Variants in GPN1 observed in about 807,000 individuals in gnomAD.
GPN1 encodes the protein ATP(GTP)-binding protein.
In GPN1, 44 loss-of-function variants were observed where a neutral mutation model predicts 55.9. The ratio of observed to expected loss-of-function variants is 0.79; its 90% confidence interval spans 0.62 to 1.01. GPN1 has a LOEUF of 1.01. GPN1 is among the 50% of genes least tolerant of loss of function. The pLI, the probability that GPN1 is intolerant of heterozygous loss-of-function variation, is 0.00. For synonymous variants in GPN1, 179 were observed against 162.5 expected (o/e 1.10, Z -0.77); for missense variants, 466 against 462.8 (o/e 1.01, Z -0.06).
In GPN1 at chr2:27,631,840, A is replaced by T; in HGVS notation, c.252A>T (p.Gly84=). The T allele has an allele frequency of 1.9e-6, 3 of 1,590,612 alleles. No individual in the cohort carries two copies. Among genetic ancestry groups the T allele is most frequent in the Non-Finnish European group, 2.6e-6 (3 of 1,158,464 alleles). Residue 84 remains glycine, a synonymous_variant, in exon 4 of 14, where the codon GGA becomes GGT. Coordinates refer to ENST00000610189, the MANE Select transcript of GPN1 (RefSeq NM_007266.4). The part of the protein sequence containing the change: ...VKYKEVMKQY[G]LGPNGGIVTS... ...TCCTCAACTTGGTGTCTAGATATGG[A>T]CTTGGACCCAATGGCGGCATAGTGA...
chr2:27,649,279 G>A (rs1443726825), intron 13 of GPN1, among the ~76,000 whole-genome samples: 1 of 151,056 alleles, frequency 6.6e-6, no homozygotes, highest in Non-Finnish European at 1.5e-5. Flanking sequence ...AAAAAAACAC[G>A]AAAACCACCA....
chr2:27,628,612 G>A, upstream of GPN1: 1 of 1,551,564 alleles, frequency 6.4e-7, no homozygotes, highest in South Asian at 1.2e-5. Context: ...AGTCCCGGCT[G>A]GTCCAGCCCT....
At chr2:27,642,200 C>A (rs1003724155) in intron 11 of GPN1, 10 of 428,084 alleles carry the variant, frequency 2.3e-5, no homozygotes, top group Non-Finnish European at 3.0e-5. Context: ...TTTTTGTGTT[C>A]CGTTTCTGAA....
upstream of GPN1, chr2:27,628,326 C>T (rs759889637): frequency 1.2e-4 from 169 of 1,413,900 alleles, no homozygotes; most frequent in Non-Finnish European, 1.5e-4. Context: ...CTTTCATCAT[C>T]TTTCCTGAGT....
In GPN1 at chr2:27,634,026, C is replaced by T. The variant is rs370769602; in HGVS notation, c.351-820C>T. Among the ~76,000 whole-genome samples the T allele has an allele frequency of 1.0e-3, 153 of 152,252 alleles. 1 individual carries two copies. The highest frequency in any genetic ancestry group is 3.5e-3 in the African/African-American group (146 of 41,548). ...TCCATTCCCATTGGCAATATGATTT[C>T]TCCACAACCAGTTCCTCCATAACCT... On this transcript the variant is annotated intron_variant, in intron 5 of 13. Coordinates refer to ENST00000610189, the MANE Select transcript of GPN1 (RefSeq NM_007266.4).
chr2:27,646,055 T>C (rs1198185440), intron 12 of GPN1, among the ~76,000 whole-genome samples: 5 of 147,286 alleles, frequency 3.4e-5, no homozygotes, highest in Non-Finnish European at 7.5e-5. Flanking sequence ...TATGTATTTA[T>C]TTTTGAGGCA....
At chr2:27,644,193 C>A (rs565763298) in intron 12 of GPN1, among the ~76,000 whole-genome samples, 2 of 152,162 alleles carry the variant, frequency 1.3e-5, no homozygotes, top group South Asian at 4.1e-4. Flanking sequence ...ACAACAACAA[C>A]AAAAATTACT....
chr2:27,644,181 AAAC>A (rs1224784001), intron 12 of GPN1, among the ~76,000 whole-genome samples: 10 of 152,150 alleles, frequency 6.6e-5, no homozygotes, highest in African/African-American at 2.2e-4. Context: ...TCCATCTTAA[AAAC>A]AACAACAACA....
intron 13 of GPN1, among the ~76,000 whole-genome samples, chr2:27,649,122 G>A (rs1254010958): frequency 6.6e-6 from 1 of 151,848 alleles, no homozygotes; most frequent in Non-Finnish European, 1.5e-5. Context: ...GCAGGCACCT[G>A]TAATCCCAGC....
At chr2:27,629,212 T>TG in intron 1 of GPN1, 43 bp downstream of exon 1, 1 of 1,600,010 alleles carries the variant, frequency 6.2e-7, no homozygotes. Context: ...CGCAAAAGGT[T>TG]GCCTCCGGCA....
At chr2:27,631,322 C>A (rs1035335676) in intron 3 of GPN1, 4 of 516,816 alleles carry the variant, frequency 7.7e-6, no homozygotes, top group African/African-American at 7.7e-5. Context: ...CTACCTGGGT[C>A]CCACAAGGTA....
chr2:27,637,818 A>G lies in GPN1; in HGVS notation c.525-392A>G, dbSNP rs184100474. On this transcript the variant is annotated intron_variant, in intron 7 of 13. Coordinates refer to ENST00000610189, the MANE Select transcript of GPN1 (RefSeq NM_007266.4). ...TTGGATTTTCAGATTTGGGATGCTC[A>G]ACCAATAAGTATTTACAAATATTCC... Among the ~76,000 whole-genome samples, 173 of 152,334 alleles carry G rather than the reference A, an allele frequency of 1.1e-3. 1 individual carries two copies. Among genetic ancestry groups the G allele is most frequent in the Non-Finnish European group, 2.1e-3 (146 of 68,022 alleles).
chr2:27,647,730 A>T, intron 12 of GPN1, 106 bp from the exon 13 acceptor site: 1 of 674,152 alleles, frequency 1.5e-6, no homozygotes, highest in Non-Finnish European at 2.7e-6. Flanking sequence ...CTGCGTTTAT[A>T]TGTATCATGA....
upstream of GPN1, chr2:27,628,281 C>G: frequency 1.1e-5 from 11 of 1,030,782 alleles, no homozygotes; most frequent in Non-Finnish European, 1.4e-5. Flanking sequence ...CAGAAACAGA[C>G]TGGGTGGTCA....
At chr2:27,644,723 GTTTTTTTTTT>G (rs1297764271) in intron 12 of GPN1, among the ~76,000 whole-genome samples, 1 of 101,744 alleles carries the variant, frequency 9.8e-6, no homozygotes, top group African/African-American at 3.9e-5. Context: ...TTTTGGTAGT[GTTTTTTTTTT>G]TTTTTTTTTT....
Position 27,642,491 on chromosome 2 carries a change from T to A in GPN1, c.903T>A (p.Ser301=). The stretch of plus-strand genomic sequence containing the variant: ...AACGCCTTCGAAAAGATATGGGTTC[T>A]GTAGCCTTGGATGCAGGGACTGCCA... ...QLERLRKDMG[S]VALDAGTAKD... The change falls in exon 12 of 14, where the codon TCT becomes TCA. Residue 301 remains serine (S), a synonymous_variant. Coordinates refer to ENST00000610189, the MANE Select transcript of GPN1 (RefSeq NM_007266.4). 1.9e-6 allele frequency: 3 copies of A among 1,612,970 alleles called. No homozygotes were observed. Among genetic ancestry groups the A allele is most frequent in the Non-Finnish European group, 2.5e-6 (3 of 1,178,934 alleles).
chr2:27,649,748 C>T (rs1314006502), intron 13 of GPN1, among the ~76,000 whole-genome samples: 1 of 152,130 alleles, frequency 6.6e-6, no homozygotes, highest in Non-Finnish European at 1.5e-5. Flanking sequence ...GGATGTTCCA[C>T]AGTTTGTTTA....
At chr2:27,642,743 T>C (rs1674008619) in intron 12 of GPN1, among the ~76,000 whole-genome samples, 1 of 151,882 alleles carries the variant, frequency 6.6e-6, no homozygotes, top group Admixed American at 6.6e-5. Flanking sequence ...TTTGTATTTT[T>C]AGTAGAGATG....
At chr2:27,642,216 T>TA in intron 11 of GPN1, 1 of 505,798 alleles carries the variant, frequency 2.0e-6, no homozygotes, top group Non-Finnish European at 3.6e-6. Flanking sequence ...CTGAACCCTC[T>TA]AAATCAGTCT....
Sources: allele counts gnomAD v4.1 joint callset (sites outside exome capture counted in the v4.1 genomes callset), GRCh38; gene constraint gnomAD v4.1.1; transcripts MANE v1.5; gene names NCBI Gene and HGNC (gene_info 2026-07-23, HGNC 2026-07-21).